Variants in PAPOLG observed in about 807,000 individuals in gnomAD.
PAPOLG encodes PAP-gamma.
A neutral mutation model predicts 99.0 loss-of-function variants in PAPOLG; 40 were observed. The ratio of observed to expected loss-of-function variants is 0.40; its 90% CI spans 0.31 to 0.53. The LOEUF (loss-of-function observed/expected upper bound fraction) is 0.53. Ranked by LOEUF, PAPOLG falls within the 20% of genes least tolerant of loss-of-function variation. PAPOLG has a pLI of 0.41. For missense variants in PAPOLG, 675 were observed against 884.1 expected (o/e 0.76, Z 3.00); for synonymous variants, 310 against 299.3 (o/e 1.04, Z -0.37).
At position 60,795,008 on chromosome 2, in the gene PAPOLG, A is replaced by G; in HGVS notation, c.2100A>G (p.Thr700=). The part of the protein sequence containing the change: ...GESMPIPTID[T]SRKKRLPSKE... ...CTATGCCTATTCCAACTATTGATAC[A>G]TCACGCAAAAAGGTAACAAGATAGT... The change falls in exon 21 of 22, where the codon ACA becomes ACG. Residue 700 remains threonine, a synonymous_variant. Coordinates refer to ENST00000238714, the MANE Select transcript of PAPOLG (RefSeq NM_022894.4). 1 of 1,612,550 alleles carries G rather than the reference A, an allele frequency of 6.2e-7. No individual in the cohort carries two copies. The highest frequency in any genetic ancestry group is 2.2e-5 in the East Asian group (1 of 44,812).
In PAPOLG at chr2:60,786,170, A is replaced by G. The variant is rs137903822; in HGVS notation, c.1167-777A>G. On this transcript the variant is annotated intron_variant, in intron 13 of 21. Transcript: ENST00000238714. Reference sequence around the variant, plus strand: ...CATATTTAAAGTTGATATAAAATCAATTGTGTTTACAATTGCATTTAAAAT... The same window carrying G: ...CATATTTAAAGTTGATATAAAATCAGTTGTGTTTACAATTGCATTTAAAAT... 4.7e-3 allele frequency among the ~76,000 whole-genome samples: 717 copies of G among 152,206 alleles called. 2 individuals carry two copies. Among genetic ancestry groups the G allele is most frequent in the South Asian group, 0.016 (78 of 4,816 alleles).
chr2:60,779,855 C>T, intron 9 of PAPOLG, 80 bp downstream of exon 9: 1 of 1,215,190 alleles, frequency 8.2e-7, no homozygotes, highest in South Asian at 1.8e-5. Flanking sequence ...AAGAGCTATA[C>T]ATAGACTTTT....
chr2:60,768,645 C>G, intron 4 of PAPOLG, 94 bp downstream of exon 4: 4 of 1,318,766 alleles, frequency 3.0e-6, no homozygotes, highest in Non-Finnish European at 4.2e-6. Context: ...CACTATTTCA[C>G]TACTTAGAGC....
intron 7 of PAPOLG, among the ~76,000 whole-genome samples, chr2:60,772,336 A>G (rs1244727132): frequency 1.3e-5 from 2 of 151,648 alleles, no homozygotes; most frequent in East Asian, 1.9e-4. Context: ...AGTTCCAGCT[A>G]CTCAGGAGGC....
chr2:60,786,412 G>A (rs188277015), intron 13 of PAPOLG, among the ~76,000 whole-genome samples: 1 of 152,010 alleles, frequency 6.6e-6, no homozygotes, highest in East Asian at 1.9e-4. Context: ...TGTATTTTTA[G>A]TAAAGACAGG....
intron 13 of PAPOLG, among the ~76,000 whole-genome samples, chr2:60,783,666 A>C (rs550776990): frequency 6.6e-6 from 1 of 150,794 alleles, no homozygotes; most frequent in Non-Finnish European, 1.5e-5. Context: ...GTGCACTTCT[A>C]TGCCCTGTGG....
chr2:60,767,309 CAA>C (rs1573223944), intron 3 of PAPOLG, among the ~76,000 whole-genome samples: 3 of 151,624 alleles, frequency 2.0e-5, no homozygotes, highest in Non-Finnish European at 4.4e-5. Context: ...AACTAGCTCT[CAA>C]GAGGTGAAAA....
At chr2:60,780,902 C>T in intron 10 of PAPOLG, 123 bp downstream of exon 10, 1 of 713,728 alleles carries the variant, frequency 1.4e-6, no homozygotes, top group East Asian at 2.6e-5. Flanking sequence ...CTATAGTCCC[C>T]TTCCTCCTTC....
intron 12 of PAPOLG, 28 bp from the exon 13 acceptor site, chr2:60,783,128 T>G: frequency 6.5e-7 from 1 of 1,546,218 alleles, no homozygotes; most frequent in Non-Finnish European, 8.7e-7. Context: ...CTGGCTTTTT[T>G]TCCTGATTGT....
At position 60,783,198 on chromosome 2, in the gene PAPOLG, C is replaced by T; in HGVS notation, c.1155C>T (p.Asn385=). 1.3e-6 allele frequency: 2 copies of T among 1,581,064 alleles called. No homozygotes were observed. The highest frequency in any genetic ancestry group is 1.8e-5 in the Admixed American group (1 of 56,662). ...VLTASASTEE[N]HLEWVGLVES... ...CTGCCAGCGCATCAACAGAAGAAAA[C>T]CATCTAGAGTGGTAAGACTTCTATT... is the stretch of plus-strand genomic sequence containing the variant. Residue 385 remains asparagine, a synonymous_variant, in exon 13 of 22, where the codon AAC becomes AAT. Transcript: ENST00000238714.
rs905200290 is a variant in PAPOLG, at chr2:60,758,334, T to G, written c.18-1800T>G. ...CAGTATTTTGGTTTCTGGGGTTTTT[T>G]TTTTTTTTTTTTTTTTTGAGTCATT... On this transcript the variant is annotated intron_variant, in intron 1 of 21. Transcript: ENST00000238714. 6.7e-5 allele frequency among the ~76,000 whole-genome samples: 10 copies of G among 148,182 alleles called. No homozygotes were observed. In the East Asian group the frequency reaches 1.9e-3, roughly 29 times the overall value.
Position 60,797,887 on chromosome 2 carries a change from A to T in PAPOLG, c.*727A>T, listed in dbSNP as rs1347092377. 1.3e-5 allele frequency: 2 copies of T among 152,786 alleles called. No individual in the cohort carries two copies. Among genetic ancestry groups the T allele is most frequent in the Non-Finnish European group, 2.9e-5 (2 of 68,042 alleles). The allele number at this position is 152,786 out of a possible 1,614,324, so 9.5% of individuals were successfully genotyped here. A position where few individuals can be genotyped will look rare whatever the true frequency, so the allele number is the denominator to read the frequency against. On this transcript the variant is annotated 3_prime_UTR_variant, in exon 22 of 22. Coordinates refer to ENST00000238714, the MANE Select transcript of PAPOLG (RefSeq NM_022894.4). The stretch of plus-strand genomic sequence containing the variant: ...TTTTGCCTCCCATGGAGGCCTTTGA[A>T]ATGCATCTTTATTAAAAATCAAAAT...
chr2:60,774,551 A>T (rs1381855805), intron 7 of PAPOLG, among the ~76,000 whole-genome samples: 1 of 152,086 alleles, frequency 6.6e-6, no homozygotes, highest in Non-Finnish European at 1.5e-5. Context: ...TGTTTAGTAG[A>T]GACAGGGTTT....
chr2:60,776,496 C>A (rs1220675520), intron 8 of PAPOLG, among the ~76,000 whole-genome samples: 1 of 140,082 alleles, frequency 7.1e-6, no homozygotes, highest in African/African-American at 2.7e-5. Context: ...GGCGCGATCT[C>A]AGCTCACGGC....
At position 60,775,257 on chromosome 2, in the gene PAPOLG, A is replaced by G. The variant is rs1670982035; in HGVS notation, c.694+134A>G. The G allele has an allele frequency of 3.0e-5, 33 of 1,082,630 alleles. No individual in the cohort carries two copies. In the South Asian group the frequency reaches 5.3e-4, roughly 17 times the overall value. 67.1% of individuals were successfully genotyped at this position (1,082,630 alleles called of 1,614,324 possible). A position where few individuals can be genotyped will look rare whatever the true frequency, so the allele number is the denominator to read the frequency against. ...AGGGCCAATAAACTCTGTAATAGCT[A>G]TTTGCTTTTCAAGTACAGTGGTTAT... On this transcript the variant is annotated intron_variant, in intron 8 of 21. Transcript: ENST00000238714.
rs761205449 is a variant in PAPOLG at position 60,783,500 on chromosome 2, C to CTTTT, written c.1166+316_1166+319dup. On this transcript the variant is annotated intron_variant, in intron 13 of 21. Transcript: ENST00000238714. Reference sequence around the variant, plus strand: ...ACAGGCCTGAGCCACTTTACCCGGCCTTTTTTTTTTTTTTTTTTTTTTTTT... The same window carrying CTTTT: ...ACAGGCCTGAGCCACTTTACCCGGCCTTTTTTTTTTTTTTTTTTTTTTTTTTTTT... Among the ~76,000 whole-genome samples the CTTTT allele has an allele frequency of 2.6e-3, 116 of 45,362 alleles. 25 individuals are homozygous for CTTTT. The highest frequency in any genetic ancestry group is 3.9e-3 in the Non-Finnish European group (87 of 22,470). 29.8% of individuals were successfully genotyped at this position (45,362 alleles called of 152,430 possible).
Position 60,792,147 on chromosome 2 carries a change from A to T in PAPOLG, c.1537A>T (p.Asn513Tyr). The T allele has an allele frequency of 6.3e-7, 1 of 1,588,060 alleles. No individual in the cohort carries two copies. The highest frequency in any genetic ancestry group is 8.5e-7 in the Non-Finnish European group (1 of 1,173,254). ...KKKKQSLSDV[N>Y]RSSGGLQSKR... ...CTTTCAGCAAAGTCTCTCTGATGTC[A>T]ATCGAAGCTCGGGCGGACTTCAATC... The change falls in exon 17 of 22, where the codon AAT (asparagine) becomes TAT (tyrosine). Residue 513 changes from asparagine to tyrosine, a missense_variant. This residue lies in a region of PAPOLG where 413 missense variants were observed against 460.5 expected (regional missense o/e 0.90). Coordinates refer to ENST00000238714, the MANE Select transcript of PAPOLG (RefSeq NM_022894.4).
At chr2:60,769,440 TAAAC>T (rs1404498403) in intron 5 of PAPOLG, among the ~76,000 whole-genome samples, 6 of 152,264 alleles carry the variant, frequency 3.9e-5, no homozygotes, top group African/African-American at 1.4e-4. Flanking sequence ...GTGAACTAAA[TAAAC>T]AAAACAGTGT....
intron 4 of PAPOLG, 24 bp from the exon 5 acceptor site, chr2:60,768,757 A>G: frequency 6.6e-7 from 1 of 1,508,438 alleles, no homozygotes; most frequent in Non-Finnish European, 9.0e-7. Flanking sequence ...TATATTCTTA[A>G]TTAAGAACTA....
Sources: gnomAD v4.1 joint callset for allele counts (sites outside exome capture counted in the v4.1 genomes callset) on GRCh38, gnomAD v4.1.1 for gene constraint, gnomAD v4.1.1 regional missense constraint, MANE v1.5 for transcripts, NCBI Gene and HGNC (gene_info 2026-07-23, HGNC 2026-07-21) for gene names.